Variants in XPO7 observed in about 807,000 individuals in gnomAD.
XPO7 encodes the protein exportin 7, also known as exportin-7.
XPO7 carries 21 observed loss-of-function variants against 144.3 expected under a neutral mutation model. That is an observed-to-expected ratio of 0.15 (90% confidence interval 0.10 to 0.21). XPO7 has a LOEUF of 0.21. Among genes scored for constraint, XPO7 ranks in the 10% least tolerant of loss-of-function variants. The pLI is 1.00. For synonymous variants in XPO7, 580 were observed against 499.6 expected (o/e 1.16, Z -2.15); for missense variants, 808 against 1,325.8 (o/e 0.61, Z 6.06).
At chr8:21,985,957 G>C (rs1165567857) in intron 13 of XPO7, among the ~76,000 whole-genome samples, 1 of 152,172 alleles carries the variant, frequency 6.6e-6, no homozygotes, top group Non-Finnish European at 1.5e-5. Flanking sequence ...TTTACGAATA[G>C]TATCTCAGAG....
intron 19 of XPO7, among the ~76,000 whole-genome samples, chr8:21,992,630 G>A (rs1214147271): frequency 1.3e-5 from 2 of 152,030 alleles, no homozygotes; most frequent in Non-Finnish European, 2.9e-5. Context: ...CTCACTGCAA[G>A]CCTTGAACTC....
rs1412698595 is a variant in XPO7, at chr8:21,970,145, G to A, written c.261G>A (p.Arg87=). 22 of 1,609,496 alleles carry A rather than the reference G, an allele frequency of 1.4e-5. No homozygotes were observed. In the African/African-American group the frequency reaches 1.6e-4, roughly 12 times the overall value. The stretch of plus-strand genomic sequence containing the variant: ...TTGTTTCTTGTTTTTTTTTAATAGG[G>A]AACTATGTGCTCAACTACCTTGCCA... ...PLPLEQRIDI[R]NYVLNYLATR... Residue 87 remains arginine, a splice_region_variant and synonymous_variant, in exon 4 of 28, where the codon CGG becomes CGA. Coordinates refer to ENST00000252512, the MANE Select transcript of XPO7 (RefSeq NM_015024.5).
chr8:21,966,325 C>T (rs1368717327), intron 1 of XPO7: 1 of 780,298 alleles, frequency 1.3e-6, no homozygotes, highest in East Asian at 2.4e-5. Flanking sequence ...TGCGTAAATA[C>T]ATCTTGAAGC....
intron 1 of XPO7, among the ~76,000 whole-genome samples, chr8:21,948,236 G>A (rs756010505): frequency 1.6e-4 from 24 of 152,186 alleles, no homozygotes; most frequent in Non-Finnish European, 3.2e-4. Context: ...CAGTGGTCAC[G>A]TAAGATTATA....
chr8:21,969,328 T>C (rs1290827593), intron 2 of XPO7, among the ~76,000 whole-genome samples, 155 bp from the exon 3 acceptor site: 1 of 152,204 alleles, frequency 6.6e-6, no homozygotes, highest in Admixed American at 6.5e-5. Flanking sequence ...GTGGTTCATT[T>C]TTCCTCAGAG....
At chr8:21,988,740 C>T in intron 15 of XPO7, 1 of 453,304 alleles carries the variant, frequency 2.2e-6, no homozygotes, top group Non-Finnish European at 4.0e-6. Flanking sequence ...CCCTGGAGTG[C>T]CCCAGAATTC....
intron 5 of XPO7, 72 bp downstream of exon 5, chr8:21,972,013 G>A: frequency 6.9e-7 from 1 of 1,451,982 alleles, no homozygotes; most frequent in Non-Finnish European, 9.6e-7. Context: ...TCTGCTGTGT[G>A]TGGGATGATC....
intron 1 of XPO7, among the ~76,000 whole-genome samples, chr8:21,923,582 T>C (rs1810363796): frequency 6.6e-6 from 1 of 152,194 alleles, no homozygotes; most frequent in Non-Finnish European, 1.5e-5. Flanking sequence ...TTAAGGGATG[T>C]ATATATACGT....
intron 1 of XPO7, chr8:21,964,188 C>T (rs780782298): frequency 2.0e-5 from 3 of 152,128 alleles, no homozygotes; most frequent in Non-Finnish European, 4.4e-5. Context: ...GGCAATTTTT[C>T]AGGAACAGAA....
intron 24 of XPO7, among the ~76,000 whole-genome samples, chr8:22,000,597 C>A (rs529214358): frequency 1.3e-5 from 2 of 151,870 alleles, no homozygotes; most frequent in African/African-American, 4.8e-5. Flanking sequence ...GGACTATAGG[C>A]GCCCGCCACC....
chr8:21,976,541 C>T lies in XPO7; in HGVS notation c.763+20C>T. On this transcript the variant is annotated intron_variant, in intron 7 of 27. Transcript: ENST00000252512. ...GATCAGGTAACAGAACTTCCTCCAC[C>T]TCAAAGGCTGTCTGTCACTCCCCTA... 4.4e-6 allele frequency: 7 copies of T among 1,602,666 alleles called. No homozygotes were observed. The highest frequency in any genetic ancestry group is 6.0e-6 in the Non-Finnish European group (7 of 1,173,756).
Position 21,953,990 on chromosome 8 carries a change from T to C in XPO7, c.19-12867T>C, listed in dbSNP as rs547302907. Among the ~76,000 whole-genome samples, 15 of 152,320 alleles carry C rather than the reference T, an allele frequency of 9.8e-5. No homozygotes were observed. In the East Asian group the frequency reaches 2.1e-3, roughly 22 times the overall value. On this transcript the variant is annotated intron_variant, in intron 1 of 27. Transcript: ENST00000252512. Reference sequence around the variant, plus strand: ...AAGCAAATTAGATTCTGTTTGTAAATGAAATTTCTATCCTGGAAATTTTAA... The same window carrying C: ...AAGCAAATTAGATTCTGTTTGTAAACGAAATTTCTATCCTGGAAATTTTAA...
At chr8:21,978,873 C>G (rs1809498) in intron 8 of XPO7, among the ~76,000 whole-genome samples, 56,015 of 152,022 alleles carry the variant, frequency 0.37, 10,956 homozygotes, top group Non-Finnish European at 0.44. Context: ...CTGGTACTTT[C>G]CATTGGTTGA....
At chr8:21,927,298 A>C (rs1810489053) in intron 1 of XPO7, among the ~76,000 whole-genome samples, 1 of 152,170 alleles carries the variant, frequency 6.6e-6, no homozygotes, top group Non-Finnish European at 1.5e-5. Flanking sequence ...GTTACAAATG[A>C]AAATTTGTTG....
chr8:22,005,141 AG>A lies in XPO7; in HGVS notation c.*57del. The A allele has an allele frequency of 6.8e-7, 1 of 1,460,570 alleles. No individual in the cohort carries two copies. Among genetic ancestry groups the A allele is most frequent in the Non-Finnish European group, 9.4e-7 (1 of 1,065,540 alleles). The allele number at this position is 1,460,570 out of a possible 1,614,324, so 90.5% of individuals were successfully genotyped here. On this transcript the variant is annotated 3_prime_UTR_variant, in exon 28 of 28. Coordinates refer to ENST00000252512, the MANE Select transcript of XPO7 (RefSeq NM_015024.5). ...GCAGCGTCCCTTTGGTTTGGCCCAG[AG>A]GGGCGAACAATTGCAAGGGAGAGGG... is the stretch of plus-strand genomic sequence containing the variant.
chr8:21,982,194 CTT>C (rs1412940736), intron 10 of XPO7, among the ~76,000 whole-genome samples: 1 of 152,162 alleles, frequency 6.6e-6, no homozygotes, highest in Non-Finnish European at 1.5e-5. Context: ...GATGCCCTCT[CTT>C]TCTTAGTCAT....
rs538895744 is a variant in XPO7 at position 21,991,303 on chromosome 8, G to A, written c.2041+384G>A. ...TTTTATTATCCAGTTTTCTAGCACA[G>A]ATGAGCCAGAAGGGCTTTATCACTT... On this transcript the variant is annotated intron_variant, in intron 18 of 27. Transcript: ENST00000252512. Among the ~76,000 whole-genome samples, 3 of 152,336 alleles carry A rather than the reference G, an allele frequency of 2.0e-5. No homozygotes were observed. The South Asian group carries it at 6.2e-4, about 32-fold the overall frequency.
intron 1 of XPO7, chr8:21,966,245 A>T (rs774529612): frequency 4.8e-5 from 37 of 776,110 alleles, no homozygotes; most frequent in Admixed American, 6.9e-5. Context: ...TTTGGAACCA[A>T]AGTAAGAGTT....
rs1813065143 is a variant in XPO7 at position 21,999,446 on chromosome 8, C to T, written c.2644-90C>T. ...CTAACTAAGTCTTCTGTTTTCCCAC[C>T]TAAAAGGAGCTAAGCTATTTAAGAT... On this transcript the variant is annotated intron_variant, in intron 23 of 27. Transcript: ENST00000252512. The T allele has an allele frequency of 4.4e-6, 7 of 1,580,886 alleles. No homozygotes were observed. The South Asian group carries it at 8.0e-5, about 18-fold the overall frequency.
Sources: allele counts gnomAD v4.1 joint callset (sites outside exome capture counted in the v4.1 genomes callset), GRCh38; gene constraint gnomAD v4.1.1; transcripts MANE v1.5; gene names NCBI Gene and HGNC (gene_info 2026-07-23, HGNC 2026-07-21).